Variants in TCN1 observed in about 807,000 individuals in gnomAD.
The protein encoded by TCN1 is transcobalamin 1, also known as transcobalamin-1.
In TCN1, 47 loss-of-function variants were observed where a neutral mutation model predicts 46.3. The ratio of observed to expected loss-of-function variants is 1.01; its 90% CI spans 0.80 to 1.29. The LOEUF is 1.29. TCN1 is among the 50% of genes most tolerant of loss of function. The pLI, the probability that TCN1 is intolerant of heterozygous loss-of-function variation, is 0.00. For missense variants in TCN1, 532 were observed against 511.0 expected, an observed-to-expected ratio of 1.04 and a Z score of -0.40; for synonymous variants, 183 against 192.5, an observed-to-expected ratio of 0.95 and a Z score of 0.41.
intron 4 of TCN1, among the ~76,000 whole-genome samples, chr11:59,861,270 G>A (rs999903358): frequency 6.6e-6 from 1 of 152,194 alleles, no homozygotes; most frequent in East Asian, 1.9e-4. Context: ...AAGATCAAGA[G>A]TTAACATTCA....
At chr11:59,855,776 T>G in intron 6 of TCN1, 93 bp downstream of exon 6, 3 of 1,383,746 alleles carry the variant, frequency 2.2e-6, no homozygotes, top group Non-Finnish European at 3.1e-6. Flanking sequence ...GAGGTTTATC[T>G]GGTCACTTTT....
chr11:59,859,938 T>G (rs1852999069), intron 4 of TCN1, among the ~76,000 whole-genome samples: 1 of 152,214 alleles, frequency 6.6e-6, no homozygotes, highest in Non-Finnish European at 1.5e-5. Context: ...GGAGCCCAGC[T>G]GAGGAACAGG....
In TCN1 at chr11:59,862,659, GC is replaced by G; in HGVS notation, c.322del (p.Ala108LeufsTer5). 6.2e-7 allele frequency: 1 copy of G among 1,613,718 alleles called. No homozygotes were observed. The highest frequency in any genetic ancestry group is 8.5e-7 in the Non-Finnish European group (1 of 1,179,834). Reference protein sequence around the residue: ...IILALGVCRNAEENLIYDYHL... With the variant: ...IILALGVCRNXEENLIYDYHL... ...GTAATCATATATTAAGTTTTCCTCA[GC>G]GTTACGACATACTCCCAAAGCCAGT... On this transcript the variant is annotated frameshift_variant, in exon 3 of 9. Coordinates refer to ENST00000257264, the MANE Select transcript of TCN1 (RefSeq NM_001062.4). LOFTEE classifies it high-confidence loss of function.
chr11:59,858,163 A>G (rs939767347), intron 5 of TCN1, among the ~76,000 whole-genome samples: 1 of 152,224 alleles, frequency 6.6e-6, no homozygotes, highest in South Asian at 2.1e-4. Flanking sequence ...TTAAGTAAAT[A>G]CGGGTTACTT....
At chr11:59,863,126 G>A (rs1010531800) in intron 2 of TCN1, among the ~76,000 whole-genome samples, 6 of 152,112 alleles carry the variant, frequency 3.9e-5, no homozygotes, top group African/African-American at 9.7e-5. Context: ...TGGGACCACC[G>A]TCATATATAT....
In TCN1 at chr11:59,853,052, A is replaced by G; in HGVS notation, c.1241-16T>C. The G allele has an allele frequency of 2.4e-5, 39 of 1,614,050 alleles. No homozygotes were observed. The highest frequency in any genetic ancestry group is 3.3e-5 in the Non-Finnish European group (39 of 1,179,906). Reference sequence around the variant, plus strand: ...CTACCAGCTCCTGAAAAGGAAGAAGAAAGAGAACTGGGTCAAATGATTTGG... The same window carrying G: ...CTACCAGCTCCTGAAAAGGAAGAAGGAAGAGAACTGGGTCAAATGATTTGG... On this transcript the variant is annotated splice_polypyrimidine_tract_variant and intron_variant, in intron 8 of 8. Coordinates refer to ENST00000257264, the MANE Select transcript of TCN1 (RefSeq NM_001062.4).
chr11:59,863,922 T>C lies in TCN1; in HGVS notation c.244A>G (p.Asn82Asp). The change falls in exon 2 of 9, where the codon AAT (asparagine) becomes GAT (aspartate). Residue 82 changes from asparagine to aspartate, a missense_variant. By Grantham distance (23) the Asn-to-Asp change is conservative. Coordinates refer to ENST00000257264, the MANE Select transcript of TCN1 (RefSeq NM_001062.4). ...AGCAACTTACATCTGCTTTTCACATTGTATTTGATTTGTTGGATCATCTTT... is the reference window on the plus strand; with the variant it reads ...AGCAACTTACATCTGCTTTTCACATCGTATTTGATTTGTTGGATCATCTTT... ...MQKMIQQIKY[N>D]VKSRLSDVSS... 6.2e-7 allele frequency: 1 copy of C among 1,613,856 alleles called. No individual in the cohort carries two copies. Among genetic ancestry groups the C allele is most frequent in the Non-Finnish European group, 8.5e-7 (1 of 1,179,770 alleles).
At chr11:59,859,703 A>G (rs1337748115) in intron 4 of TCN1, among the ~76,000 whole-genome samples, 1 of 152,216 alleles carries the variant, frequency 6.6e-6, no homozygotes, top group African/African-American at 2.4e-5. Flanking sequence ...TATTTCTGCT[A>G]TAGTTCATCT....
At chr11:59,857,407 C>T (rs1187990946) in intron 5 of TCN1, among the ~76,000 whole-genome samples, 1 of 152,134 alleles carries the variant, frequency 6.6e-6, no homozygotes, top group East Asian at 1.9e-4. Context: ...CTTAGTAAGG[C>T]AATCAACAAC....
intron 4 of TCN1, among the ~76,000 whole-genome samples, chr11:59,859,522 C>A (rs1444600191): frequency 1.3e-5 from 2 of 152,220 alleles, no homozygotes. Flanking sequence ...ATACCTCATA[C>A]TGTAGTGCGA....
At chr11:59,859,375 C>G in intron 4 of TCN1, 108 bp from the exon 5 acceptor site, 1 of 1,201,772 alleles carries the variant, frequency 8.3e-7, no homozygotes, top group Non-Finnish European at 1.2e-6. Context: ...AAAAACAGAT[C>G]TAGAAAAACT....
Position 59,862,714 on chromosome 11 carries a change from C to T in TCN1, c.268G>A (p.Val90Ile), listed in dbSNP as rs376712264. 34 of 1,613,458 alleles carry T rather than the reference C, an allele frequency of 2.1e-5. No homozygotes were observed. The highest frequency in any genetic ancestry group is 2.9e-5 in the Non-Finnish European group (34 of 1,179,774). ...KYNVKSRLSD[V>I]SSGELALIIL... ...ATCAAGGCAAGCTCTCCCGAGCTTA[C>T]ATCTGACACTGAAAAGAAAAGTATT... The change falls in exon 3 of 9, where the codon GTA becomes ATA. Residue 90 changes from valine to isoleucine, a missense_variant. Transcript: ENST00000257264.
chr11:59,865,468 CAG>C (rs373968686), intron 1 of TCN1, among the ~76,000 whole-genome samples: 125 of 152,264 alleles, frequency 8.2e-4, no homozygotes, highest in Middle Eastern at 3.4e-3. Flanking sequence ...GAAGAAAAAT[CAG>C]AGTCAGAAGA....
intron 5 of TCN1, 73 bp downstream of exon 5, chr11:59,859,004 T>TA (rs370252349): frequency 0.034 from 40,754 of 1,207,686 alleles, 3 homozygotes; most frequent in Non-Finnish European, 0.037. Flanking sequence ...AGCTCCATCT[T>TA]AAAAAAAAAA....
chr11:59,859,034 A>T (rs757707168), intron 5 of TCN1, 43 bp downstream of exon 5: 9 of 1,594,362 alleles, frequency 5.6e-6, no homozygotes, highest in Non-Finnish European at 6.9e-6. Context: ...TTTCTTCCAG[A>T]GAAGACTCCC....
chr11:59,860,477 T>A (rs1274650594), intron 4 of TCN1, among the ~76,000 whole-genome samples: 1 of 152,054 alleles, frequency 6.6e-6, no homozygotes, highest in Non-Finnish European at 1.5e-5. Flanking sequence ...TACACATATT[T>A]TGGTCATAAA....
chr11:59,857,472 C>A (rs374993528), intron 5 of TCN1, among the ~76,000 whole-genome samples: 3 of 152,264 alleles, frequency 2.0e-5, no homozygotes, highest in East Asian at 1.9e-4. Flanking sequence ...CGTGCTTACA[C>A]CTCCAGCCTC....
Position 59,866,405 on chromosome 11 carries a change from T to G in TCN1, c.66A>C (p.Leu22=). The G allele has an allele frequency of 6.2e-7, 1 of 1,613,440 alleles. No homozygotes were observed. The highest frequency in any genetic ancestry group is 8.5e-7 in the Non-Finnish European group (1 of 1,179,476). Residue 22 remains leucine, a synonymous_variant, in exon 1 of 9, where the codon CTA becomes CTC. Coordinates refer to ENST00000257264, the MANE Select transcript of TCN1 (RefSeq NM_001062.4). ...AAGTTTACTCACCACAAATCTCGCA[T>G]AGTTGGCTTGGAATAAAAGAAAACA... The part of the protein sequence containing the change: ...LLLFSFIPSQ[L]CEICEVSEEN...
At chr11:59,854,256 T>A (rs191596799) in intron 7 of TCN1, among the ~76,000 whole-genome samples, 14 of 151,564 alleles carry the variant, frequency 9.2e-5, no homozygotes, top group African/African-American at 2.9e-4. Flanking sequence ...ATGCCAATTT[T>A]TGTGTGTATG....
Sources: gnomAD v4.1 joint callset for allele counts (sites outside exome capture counted in the v4.1 genomes callset) on GRCh38, gnomAD v4.1.1 for gene constraint, MANE v1.5 for transcripts, NCBI Gene and HGNC (gene_info 2026-07-23, HGNC 2026-07-21) for gene names.